Variants in PPP2R5E observed in about 807,000 individuals in gnomAD.
PPP2R5E encodes serine/threonine-protein phosphatase 2A 56 kDa regulatory subunit epsilon isoform.
Under a neutral mutation model 65.3 loss-of-function variants are expected in PPP2R5E, and 4 were observed. The ratio of observed to expected loss-of-function variants is 0.06; its 90% CI spans 0.03 to 0.14. PPP2R5E has a LOEUF of 0.14. PPP2R5E is among the 10% of genes least tolerant of loss of function. The pLI, the probability that PPP2R5E is intolerant of heterozygous loss-of-function variation, is 1.00. For missense variants in PPP2R5E, 274 were observed against 556.1 expected (o/e 0.49, Z 5.10); for synonymous variants, 183 against 187.4 (o/e 0.98, Z 0.19).
At chr14:63,442,113 G>A (rs1000339961) in intron 3 of PPP2R5E, among the ~76,000 whole-genome samples, 1 of 152,076 alleles carries the variant, frequency 6.6e-6, no homozygotes, top group Non-Finnish European at 1.5e-5. Flanking sequence ...AATTACGAAT[G>A]CTAACAAACT....
At position 63,393,883 on chromosome 14, in the gene PPP2R5E, C is replaced by T; in HGVS notation, c.786G>A (p.Gln262=). The change falls in exon 8 of 14, where the codon CAG becomes CAA. Residue 262 remains glutamine (Q), a synonymous_variant. Coordinates refer to ENST00000337537, the MANE Select transcript of PPP2R5E (RefSeq NM_006246.5). ...AAGGGATCAATACTTTCACCAGAAA[C>T]TGTTTGTGTTCTGCCTTAAGAGGTA... ...FALPLKAEHK[Q]FLVKVLIPLH... is the part of the protein sequence containing the mutation. The T allele has an allele frequency of 6.2e-7, 1 of 1,612,242 alleles. No individual in the cohort carries two copies. The highest frequency in any genetic ancestry group is 8.5e-7 in the Non-Finnish European group (1 of 1,178,462).
At position 63,374,648 on chromosome 14, in the gene PPP2R5E, T is replaced by TATATATATATATATATATATATAC. The variant is rs1883883644; in HGVS notation, c.*1360_*1361insGTATATATATATATATATATATAT. 2 of 105,116 alleles carry TATATATATATATATATATATATAC rather than the reference T, an allele frequency of 1.9e-5. No homozygotes were observed. Among genetic ancestry groups the TATATATATATATATATATATATAC allele is most frequent in the Non-Finnish European group, 1.8e-5 (1 of 55,960 alleles). The allele number at this position is 105,116 out of a possible 1,614,324, so 6.5% of individuals were successfully genotyped here. ...AGAGCCAATAAGATATATATATATATATATATATATATATATATATAAAAT... is the reference window on the plus strand; with the variant it reads ...AGAGCCAATAAGATATATATATATATATATATATATATATATATATATACATATATATATATATATATATAAAAT... On this transcript the variant is annotated 3_prime_UTR_variant, in exon 14 of 14. Coordinates refer to ENST00000337537, the MANE Select transcript of PPP2R5E (RefSeq NM_006246.5).
At chr14:63,493,546 A>G (rs1891393653) in intron 2 of PPP2R5E, among the ~76,000 whole-genome samples, 1 of 151,962 alleles carries the variant, frequency 6.6e-6, no homozygotes, top group South Asian at 2.1e-4. Flanking sequence ...CCTAGGTGAG[A>G]ATCATTGGTA....
At chr14:63,526,312 G>A (rs1007506415) in intron 2 of PPP2R5E, among the ~76,000 whole-genome samples, 4 of 152,164 alleles carry the variant, frequency 2.6e-5, no homozygotes, top group African/African-American at 9.7e-5. Flanking sequence ...GCGAAATGGA[G>A]GCACGAAAGT....
chr14:63,474,442 A>AT (rs1390393953), intron 2 of PPP2R5E, among the ~76,000 whole-genome samples: 6 of 152,158 alleles, frequency 3.9e-5, no homozygotes, highest in Admixed American at 3.9e-4. Flanking sequence ...AGAGATGTTT[A>AT]TAAGACATAT....
chr14:63,440,948 C>CAAAAAAAAA (rs374563795), intron 3 of PPP2R5E, among the ~76,000 whole-genome samples: 3,516 of 67,226 alleles, frequency 0.052, 171 homozygotes, highest in East Asian at 0.12. Context: ...GACTCCATCT[C>CAAAAAAAAA]AAAAAAAAAA....
chr14:63,531,573 C>T (rs187552719), intron 2 of PPP2R5E, among the ~76,000 whole-genome samples: 1,989 of 152,084 alleles, frequency 0.013, 17 homozygotes, highest in African/African-American at 0.016. Flanking sequence ...CACACTTTTT[C>T]AAAGGTTCTA....
chr14:63,431,996 A>C (rs1015666858), intron 3 of PPP2R5E, among the ~76,000 whole-genome samples: 1 of 152,020 alleles, frequency 6.6e-6, no homozygotes, highest in African/African-American at 2.4e-5. Flanking sequence ...AGAACATATT[A>C]AAATGATCAG....
chr14:63,486,509 A>G (rs956555017), intron 2 of PPP2R5E, among the ~76,000 whole-genome samples: 2 of 152,016 alleles, frequency 1.3e-5, no homozygotes, highest in African/African-American at 4.8e-5. Context: ...TTACTTTGAA[A>G]TGTATACTAA....
intron 5 of PPP2R5E, among the ~76,000 whole-genome samples, chr14:63,410,710 G>A (rs1019413415): frequency 6.6e-6 from 1 of 152,190 alleles, no homozygotes; most frequent in African/African-American, 2.4e-5. Flanking sequence ...ACATGAATGA[G>A]CAGGGTATTC....
chr14:63,476,243 TC>T (rs915780644), intron 2 of PPP2R5E, among the ~76,000 whole-genome samples: 1 of 152,026 alleles, frequency 6.6e-6, no homozygotes, highest in African/African-American at 2.4e-5. Flanking sequence ...TTCTTCTTTT[TC>T]CCCCCCTTTT....
rs140453805 is a variant in PPP2R5E, at chr14:63,503,507, C to G, written c.157+36022G>C. Among the ~76,000 whole-genome samples, 202 of 152,220 alleles carry G rather than the reference C, an allele frequency of 1.3e-3. 1 individual carries two copies. Among genetic ancestry groups the G allele is most frequent in the African/African-American group, 4.6e-3 (192 of 41,534 alleles). The stretch of plus-strand genomic sequence containing the variant: ...ACTCCAACCAATTTCTCAGGTGATT[C>G]CTATGCCCACTGAAGTCTGAAAACA... On this transcript the variant is annotated intron_variant, in intron 2 of 13. Transcript: ENST00000337537.
At chr14:63,494,047 T>C (rs1349968036) in intron 2 of PPP2R5E, among the ~76,000 whole-genome samples, 2 of 152,086 alleles carry the variant, frequency 1.3e-5, no homozygotes, top group Non-Finnish European at 2.9e-5. Context: ...TACCCAGAAT[T>C]CCACTTTTAA....
At chr14:63,495,533 A>C (rs1891513860) in intron 2 of PPP2R5E, among the ~76,000 whole-genome samples, 15 of 152,018 alleles carry the variant, frequency 9.9e-5, no homozygotes, top group Admixed American at 9.8e-4. Context: ...GTGAGCTGAA[A>C]TTGTGCCACT....
At chr14:63,398,218 CTTTG>C (rs1009267839) in intron 5 of PPP2R5E, among the ~76,000 whole-genome samples, 1 of 152,180 alleles carries the variant, frequency 6.6e-6, no homozygotes, top group Non-Finnish European at 1.5e-5. Context: ...GTTCTAGCTG[CTTTG>C]TTTTTGTATC....
Position 63,453,752 on chromosome 14 carries a change from C to T in PPP2R5E, c.291G>A (p.Val97=). ...AGCCTCTGCTTATTGTAATGTAGTC[C>T]ACCAGTTCATTAAGAGTGGAGCGCT... The part of the protein sequence containing the change: ...EYKRSTLNEL[V]DYITISRGCL... Residue 97 remains valine (V), a synonymous_variant, in exon 3 of 14, where the codon GTG becomes GTA. Coordinates refer to ENST00000337537, the MANE Select transcript of PPP2R5E (RefSeq NM_006246.5). 6.2e-7 allele frequency: 1 copy of T among 1,613,580 alleles called. No individual in the cohort carries two copies. The highest frequency in any genetic ancestry group is 1.1e-5 in the South Asian group (1 of 90,940).
intron 3 of PPP2R5E, among the ~76,000 whole-genome samples, chr14:63,430,349 A>ACATACATACATACATGCATACATG (rs1566696239): frequency 3.1e-4 from 32 of 103,648 alleles, no homozygotes; most frequent in Admixed American, 6.9e-4. Context: ...ACCCATGTAT[A>ACATACATACATACATGCATACATG]CATACATACA....
intron 2 of PPP2R5E, among the ~76,000 whole-genome samples, chr14:63,511,014 G>A (rs1892430208): frequency 1.3e-5 from 2 of 152,202 alleles, no homozygotes; most frequent in African/African-American, 4.8e-5. Flanking sequence ...TTGAACCAAG[G>A]TGAGAAGTCC....
At chr14:63,465,059 A>T (rs1889715217) in intron 2 of PPP2R5E, among the ~76,000 whole-genome samples, 1 of 151,734 alleles carries the variant, frequency 6.6e-6, no homozygotes, top group Non-Finnish European at 1.5e-5. Flanking sequence ...AGAAAAGAAA[A>T]AGAAAATGTA....
Sources: allele counts gnomAD v4.1 joint callset (sites outside exome capture counted in the v4.1 genomes callset), GRCh38; gene constraint gnomAD v4.1.1; transcripts MANE v1.5; gene names NCBI Gene and HGNC (gene_info 2026-07-23, HGNC 2026-07-21).